CLYBL: variants seen among roughly 807,000 people sequenced by gnomAD.
The protein encoded by CLYBL is citramalyl-CoA lyase, also known as citramalyl-CoA lyase, mitochondrial.
A neutral mutation model predicts 38.9 loss-of-function variants in CLYBL; 31 were observed. The observed-to-expected ratio is 0.80, with a 90% confidence interval of 0.60 to 1.08. The LOEUF is 1.08. Among genes scored for constraint, CLYBL ranks in the 50% least tolerant of loss-of-function variants. The pLI is 0.00. For missense variants in CLYBL, 434 were observed against 411.6 expected (o/e 1.05, Z -0.47); for synonymous variants, 171 against 158.6 (o/e 1.08, Z -0.59).
chr13:99,741,160 G>A (rs1331467626), intron 1 of CLYBL, among the ~76,000 whole-genome samples: 2 of 152,140 alleles, frequency 1.3e-5, no homozygotes, highest in African/African-American at 2.4e-5. Context: ...CTTACAGATA[G>A]GAATCTTAAA....
chr13:99,871,134 T>C, intron 7 of CLYBL, 72 bp downstream of exon 7: 3 of 1,519,370 alleles, frequency 2.0e-6, no homozygotes, highest in Non-Finnish European at 1.8e-6. Context: ...AACAAATATG[T>C]TGTGTGAATG....
At chr13:99,636,514 A>G (rs373666419) in intron 1 of CLYBL, among the ~76,000 whole-genome samples, 1 of 152,022 alleles carries the variant, frequency 6.6e-6, no homozygotes, top group Non-Finnish European at 1.5e-5. Context: ...CTGCTTGGAC[A>G]GTGGGATCTG....
At chr13:99,635,262 A>G (rs1467371310) in intron 1 of CLYBL, among the ~76,000 whole-genome samples, 1 of 151,926 alleles carries the variant, frequency 6.6e-6, no homozygotes, top group Admixed American at 6.6e-5. Context: ...TCCTTCTCAA[A>G]TCTGCCGCCT....
chr13:99,731,466 T>C (rs2139572187), intron 1 of CLYBL, among the ~76,000 whole-genome samples: 2 of 149,134 alleles, frequency 1.3e-5, no homozygotes, highest in Middle Eastern at 6.8e-3. Context: ...AGACTCTGTC[T>C]CTACAAAAAT....
intron 1 of CLYBL, among the ~76,000 whole-genome samples, chr13:99,674,584 G>A (rs992092993): frequency 6.6e-6 from 1 of 152,106 alleles, no homozygotes; most frequent in African/African-American, 2.4e-5. Context: ...CTTAGGAATG[G>A]ACACAGAGCT....
rs779750350 is a variant in CLYBL at position 99,768,494 on chromosome 13, C to CTT, written c.63-4297_63-4296dup. ...AGGTGTGAGCCACTGCGCCCGACCT[C>CTT]TTTTTTTTTTTTTTTTTTTTTTTTT... is the stretch of plus-strand genomic sequence containing the variant. On this transcript the variant is annotated intron_variant, in intron 1 of 8. Coordinates refer to ENST00000339105, the MANE Select transcript of CLYBL (RefSeq NM_206808.5). Among the ~76,000 whole-genome samples, 321 of 84,722 alleles carry CTT rather than the reference C, an allele frequency of 3.8e-3. 6 individuals are homozygous for CTT. The highest frequency in any genetic ancestry group is 4.7e-3 in the African/African-American group (92 of 19,718). 55.6% of individuals were successfully genotyped at this position (84,722 alleles called of 152,430 possible).
At chr13:99,905,008 C>G (rs553178155) in intron 8 of CLYBL, among the ~76,000 whole-genome samples, 7 of 152,052 alleles carry the variant, frequency 4.6e-5, no homozygotes, top group Admixed American at 1.3e-4. Flanking sequence ...TCTGCTCCCC[C>G]ACATCTGCCT....
intron 1 of CLYBL, among the ~76,000 whole-genome samples, chr13:99,660,895 C>T (rs9585169): frequency 0.031 from 4,636 of 151,724 alleles, 223 homozygotes; most frequent in African/African-American, 0.11. Flanking sequence ...AGAATGCTTC[C>T]GATTTTTTCC....
At chr13:99,856,831 GT>G (rs1385923263) in intron 2 of CLYBL, among the ~76,000 whole-genome samples, 2 of 151,478 alleles carry the variant, frequency 1.3e-5, no homozygotes, top group African/African-American at 4.8e-5. Flanking sequence ...TAGAGATGGG[GT>G]TTCACCATGT....
rs552063338 is a variant in CLYBL at position 99,655,337 on chromosome 13, A to G, written c.62+48580A>G. Among the ~76,000 whole-genome samples the G allele has an allele frequency of 2.0e-5, 3 of 152,090 alleles. No individual in the cohort carries two copies. In the East Asian group the frequency reaches 5.8e-4, roughly 30 times the overall value. ...ATGATCTGTCTGCCTCGGCCTCCCA[A>G]AGTGCTGGGATTATAGGCGTGAGCC... On this transcript the variant is annotated intron_variant, in intron 1 of 8. Transcript: ENST00000339105.
At chr13:99,641,694 C>T (rs1566596565) in intron 1 of CLYBL, among the ~76,000 whole-genome samples, 1 of 151,824 alleles carries the variant, frequency 6.6e-6, no homozygotes, top group Non-Finnish European at 1.5e-5. Flanking sequence ...CACCTGTAGT[C>T]CCAGCTACTT....
chr13:99,811,123 A>C (rs929934959), intron 2 of CLYBL, among the ~76,000 whole-genome samples: 1 of 152,280 alleles, frequency 6.6e-6, no homozygotes, highest in South Asian at 2.1e-4. Context: ...ATTTCCATCA[A>C]TCCCAAAGCC....
rs558997742 is a variant in CLYBL, at chr13:99,683,301, C to T, written c.62+76544C>T. On this transcript the variant is annotated intron_variant, in intron 1 of 8. Coordinates refer to ENST00000339105, the MANE Select transcript of CLYBL (RefSeq NM_206808.5). ...TTCACCATTTTGGCCAGGCTGGTCT[C>T]GAACTCCTGACCTTGTGATCCGCTC... 1.2e-4 allele frequency among the ~76,000 whole-genome samples: 18 copies of T among 150,482 alleles called. No individual in the cohort carries two copies. The East Asian group carries it at 3.5e-3, about 30-fold the overall frequency.
In CLYBL at chr13:99,869,994, G is replaced by T. The variant is rs2051843670; in HGVS notation, c.803-944G>T. On this transcript the variant is annotated intron_variant, in intron 6 of 8. Transcript: ENST00000339105. The surrounding 1 kb of genome is among the most constrained non-coding windows in gnomAD (Gnocchi z 4.3). ...TCTACACTTCCCTGATTGTTAAATT[G>T]TTTTTTTAATGACTGCATTATTTCA... is the stretch of plus-strand genomic sequence containing the variant. Among the ~76,000 whole-genome samples the T allele has an allele frequency of 6.6e-6, 1 of 151,392 alleles. No homozygotes were observed. The highest frequency in any genetic ancestry group is 2.1e-4 in the South Asian group (1 of 4,792).
chr13:99,881,626 T>C (rs9585254), intron 7 of CLYBL, among the ~76,000 whole-genome samples: 11,209 of 150,308 alleles, frequency 0.075, 669 homozygotes, highest in African/African-American at 0.16. Flanking sequence ...AGAGTCTCAC[T>C]ATGTTGCCCA....
At chr13:99,741,438 A>C (rs191821502) in intron 1 of CLYBL, among the ~76,000 whole-genome samples, 2 of 152,348 alleles carry the variant, frequency 1.3e-5, no homozygotes, top group East Asian at 1.9e-4. Context: ...ACCTTCATCC[A>C]TCGAGGGCTT....
At chr13:99,760,156 C>G (rs1216200735) in intron 1 of CLYBL, among the ~76,000 whole-genome samples, 1 of 152,134 alleles carries the variant, frequency 6.6e-6, no homozygotes, top group Non-Finnish European at 1.5e-5. Flanking sequence ...TCCATAGAAT[C>G]AGTAGTAATA....
chr13:99,889,138 G>A (rs1449815007), intron 7 of CLYBL, among the ~76,000 whole-genome samples: 2 of 152,182 alleles, frequency 1.3e-5, no homozygotes, highest in African/African-American at 4.8e-5. Context: ...ATGTGCACAT[G>A]GAACCCAAAG....
intron 1 of CLYBL, among the ~76,000 whole-genome samples, chr13:99,716,216 GGTCTCGCTAT>G (rs1168197704): frequency 1.9e-3 from 122 of 62,994 alleles, no homozygotes; most frequent in African/African-American, 6.2e-3. Flanking sequence ...TTAGAGACAA[GGTCTCGCTAT>G]GTTGCTCAGG....
Sources: allele counts gnomAD v4.1 joint callset (sites outside exome capture counted in the v4.1 genomes callset), GRCh38; gene constraint gnomAD v4.1.1; non-coding constraint Gnocchi (gnomAD v3.1); transcripts MANE v1.5; gene names NCBI Gene and HGNC (gene_info 2026-07-23, HGNC 2026-07-21).